BCKDHB: variants seen among roughly 807,000 people sequenced by gnomAD.
The protein encoded by BCKDHB is 2-oxoisovalerate dehydrogenase subunit beta, mitochondrial.
A neutral mutation model predicts 48.5 loss-of-function variants in BCKDHB; 41 were observed. The ratio of observed to expected loss-of-function variants is 0.85; its 90% CI spans 0.66 to 1.10. The LOEUF (loss-of-function observed/expected upper bound fraction) is 1.10. BCKDHB is among the 50% of genes least tolerant of loss of function. BCKDHB has a pLI of 0.00. For synonymous variants in BCKDHB, 201 were observed against 174.8 expected (o/e 1.15, Z -1.18); for missense variants, 496 against 494.2 (o/e 1.00, Z -0.03).
intron 8 of BCKDHB, among the ~76,000 whole-genome samples, chr6:80,247,607 T>C (rs1776669484): frequency 6.6e-6 from 1 of 152,222 alleles, no homozygotes; most frequent in South Asian, 2.1e-4. Flanking sequence ...AAATCTTATT[T>C]CTAAAACAGG....
At chr6:80,406,185 A>G in the BCKDHB span, among the ~76,000 whole-genome samples, 2 of 152,170 alleles carry the variant, frequency 1.3e-5, no homozygotes, top group Non-Finnish European at 2.9e-5. Flanking sequence ...GTAGTATTCC[A>G]TGGTGTATAT....
At chr6:80,418,659 G>T in the BCKDHB span, among the ~76,000 whole-genome samples, 1 of 152,146 alleles carries the variant, frequency 6.6e-6, no homozygotes, top group Admixed American at 6.5e-5. Flanking sequence ...AATCCACTAT[G>T]CTGGGGAAAG....
the BCKDHB span, among the ~76,000 whole-genome samples, chr6:80,406,187 G>A: frequency 6.6e-6 from 1 of 152,148 alleles, no homozygotes. Flanking sequence ...AGTATTCCAT[G>A]GTGTATATAT....
In BCKDHB at chr6:80,221,232, T is replaced by G. The variant is rs184219175; in HGVS notation, c.951+18020T>G. On this transcript the variant is annotated intron_variant, in intron 8 of 9. Coordinates refer to ENST00000320393, the MANE Select transcript of BCKDHB (RefSeq NM_183050.4). ...ACTGTACCTCCATTTATCTCCGCATTGGCTTCCTCTACTCTTTGTTTATAT... is the reference window on the plus strand; with the variant it reads ...ACTGTACCTCCATTTATCTCCGCATGGGCTTCCTCTACTCTTTGTTTATAT... Among the ~76,000 whole-genome samples, 7 of 152,330 alleles carry G rather than the reference T, an allele frequency of 4.6e-5. No individual in the cohort carries two copies. The East Asian group carries it at 1.4e-3, about 29-fold the overall frequency.
At chr6:80,261,630 A>G (rs538139649) in intron 8 of BCKDHB, among the ~76,000 whole-genome samples, 4 of 151,968 alleles carry the variant, frequency 2.6e-5, no homozygotes, top group African/African-American at 9.7e-5. Context: ...TCATTTCACG[A>G]GTGTGGTTTT....
At chr6:80,193,900 A>G (rs922542274) in intron 6 of BCKDHB, among the ~76,000 whole-genome samples, 1 of 152,190 alleles carries the variant, frequency 6.6e-6, no homozygotes, top group Non-Finnish European at 1.5e-5. Flanking sequence ...GTCTCTCAAT[A>G]TTCAGAACTC....
chr6:80,332,328 A>G (rs1245118244), intron 9 of BCKDHB, among the ~76,000 whole-genome samples: 3 of 152,224 alleles, frequency 2.0e-5, no homozygotes, highest in Non-Finnish European at 4.4e-5. Context: ...ATTTAATTGC[A>G]ATGGCTTGTT....
chr6:80,168,543 A>G (rs111210118), intron 4 of BCKDHB, among the ~76,000 whole-genome samples: 82 of 123,476 alleles, frequency 6.6e-4, no homozygotes, highest in African/African-American at 2.6e-3. Flanking sequence ...GGAAGGAAGG[A>G]AGGGAGGGAG....
intron 8 of BCKDHB, among the ~76,000 whole-genome samples, chr6:80,241,254 A>G (rs980949181): frequency 2.6e-5 from 4 of 152,062 alleles, no homozygotes; most frequent in Non-Finnish European, 5.9e-5. Context: ...ACTTCTGTCA[A>G]CTCGTCAAAG....
At chr6:80,144,999 C>T (rs934310988) in intron 3 of BCKDHB, among the ~76,000 whole-genome samples, 2 of 152,086 alleles carry the variant, frequency 1.3e-5, no homozygotes, top group South Asian at 2.1e-4. Context: ...GAATAGGCAG[C>T]GTTCTTTCTG....
At chr6:80,398,419 C>T in the BCKDHB span, among the ~76,000 whole-genome samples, 1 of 152,072 alleles carries the variant, frequency 6.6e-6, no homozygotes, top group African/African-American at 2.4e-5. Flanking sequence ...CATAGAAATA[C>T]AAATAACCAT....
intron 8 of BCKDHB, among the ~76,000 whole-genome samples, chr6:80,227,006 C>A (rs1459106297): frequency 1.3e-5 from 2 of 151,708 alleles, no homozygotes; most frequent in African/African-American, 4.8e-5. Flanking sequence ...TTTCTCTAGT[C>A]TTAAAAAAAA....
intron 6 of BCKDHB, among the ~76,000 whole-genome samples, chr6:80,178,084 CA>C (rs1773248336): frequency 6.6e-6 from 1 of 152,196 alleles, no homozygotes. Context: ...AAGGGGCTGA[CA>C]GTCATCTCAT....
At chr6:80,384,520 G>A in the BCKDHB span, among the ~76,000 whole-genome samples, 2 of 151,940 alleles carry the variant, frequency 1.3e-5, no homozygotes, top group African/African-American at 4.8e-5. Flanking sequence ...CACAATGCCT[G>A]GCTAACTTTT....
intron 8 of BCKDHB, among the ~76,000 whole-genome samples, chr6:80,222,727 A>G (rs1469612264): frequency 6.6e-6 from 1 of 152,114 alleles, no homozygotes; most frequent in African/African-American, 2.4e-5. Context: ...TCTCTAAGAG[A>G]TTGGGTTTCT....
intron 9 of BCKDHB, among the ~76,000 whole-genome samples, chr6:80,294,179 G>A (rs1006953246): frequency 6.6e-6 from 1 of 152,166 alleles, no homozygotes; most frequent in Non-Finnish European, 1.5e-5. Context: ...GGCTGGAGCT[G>A]CGGCAGAGGA....
At chr6:80,391,510 G>T in the BCKDHB span, among the ~76,000 whole-genome samples, 1 of 152,124 alleles carries the variant, frequency 6.6e-6, no homozygotes, top group Admixed American at 6.6e-5. Flanking sequence ...ACCGAGGATT[G>T]CCAATAGTCA....
chr6:80,440,699 C>T, the BCKDHB span: 50 of 151,522 alleles, frequency 3.3e-4, no homozygotes, highest in East Asian at 8.9e-3. Context: ...GTCACTCAGT[C>T]ATCGCTAAGG....
intron 8 of BCKDHB, among the ~76,000 whole-genome samples, chr6:80,263,083 C>G (rs906770041): frequency 3.3e-5 from 5 of 152,136 alleles, no homozygotes; most frequent in African/African-American, 1.2e-4. Context: ...TTCTGGAGAA[C>G]TATTATTATT....
Sources: gnomAD v4.1 joint callset for allele counts (sites outside exome capture counted in the v4.1 genomes callset) on GRCh38, gnomAD v4.1.1 for gene constraint, MANE v1.5 for transcripts, NCBI Gene and HGNC (gene_info 2026-07-23, HGNC 2026-07-21) for gene names.